The following TAS1R1 variants were observed in gnomAD, a reference collection of about 807,000 sequenced individuals.
TAS1R1 encodes taste 1 receptor member 1.
Under a neutral mutation model 45.8 loss-of-function variants are expected in TAS1R1, and 31 were observed. The ratio of observed to expected loss-of-function variants is 0.68; its 90% CI spans 0.51 to 0.91. The LOEUF is 0.91. Among genes scored for constraint, TAS1R1 ranks in the 40% least tolerant of loss-of-function variants. The probability of loss-of-function intolerance (pLI) is 0.00; values close to 1 mark genes in which losing one functional copy is unlikely to be tolerated. For missense variants in TAS1R1, 1,051 were observed against 1,063.9 expected (o/e 0.99, Z 0.17); for synonymous variants, 437 against 448.4 (o/e 0.97, Z 0.32).
At chr1:6,573,772 C>T (rs1476905273) in intron 2 of TAS1R1, among the ~76,000 whole-genome samples, 1 of 151,972 alleles carries the variant, frequency 6.6e-6, no homozygotes, top group Non-Finnish European at 1.5e-5. Flanking sequence ...ACGCCATTCT[C>T]CTGCCTCAGC....
rs1272561902 is a variant in TAS1R1 at position 6,574,827 on chromosome 1, C to A, written c.695C>A (p.Ala232Asp). 4.3e-6 allele frequency: 7 copies of A among 1,614,134 alleles called. No homozygotes were observed. The African/African-American group carries it at 8.0e-5, about 18-fold the overall frequency. Reference protein sequence around the residue: ...QLGVQALENQATGQGICIAFK... With the variant: ...QLGVQALENQDTGQGICIAFK... ...GGGGTGCAGGCACTGGAGAACCAGG[C>A]CACTGGTCAGGGGATCTGCATTGCT... is the stretch of plus-strand genomic sequence containing the variant. Residue 232 changes from alanine (A) to aspartate (D), a missense_variant, in exon 3 of 6, where the codon GCC (alanine) becomes GAC (aspartate). Ala to Asp is a moderately radical substitution (Grantham distance 126). Transcript: ENST00000333172. This position sits in a 1 kb window ranked among gnomAD's most constrained non-coding sequence, Gnocchi z 4.3.
Position 6,579,318 on chromosome 1 carries a change from GA to G in TAS1R1, c.2261del (p.Glu754GlyfsTer40). 6.2e-7 allele frequency: 1 copy of G among 1,614,210 alleles called. No homozygotes were observed. Among genetic ancestry groups the G allele is most frequent in the Non-Finnish European group, 8.5e-7 (1 of 1,180,052 alleles). ...CAGCTACCTGGGTAAGGACTTGCCA[GA>G]GAACTACAACGAGGCCAAATGTGTC... ...ACSYLGKDLP[E>X]NYNEAKCVTF... On this transcript the variant is annotated frameshift_variant, in exon 6 of 6. Transcript: ENST00000333172. LOFTEE classifies it low-confidence loss of function (END_TRUNC).
At chr1:6,571,280 C>G in intron 2 of TAS1R1, 65 bp downstream of exon 2, 1 of 1,435,942 alleles carries the variant, frequency 7.0e-7, no homozygotes, top group South Asian at 1.4e-5. Context: ...GGCATGTGGG[C>G]AAGAGCTGCT....
At chr1:6,561,366 G>A (rs745633277) in intron 1 of TAS1R1, among the ~76,000 whole-genome samples, 7 of 152,076 alleles carry the variant, frequency 4.6e-5, no homozygotes, top group East Asian at 1.9e-4. Context: ...CACCTTTTTC[G>A]GCAGTGAGGA....
Position 6,571,051 on chromosome 1 carries a change from G to A in TAS1R1, c.334G>A (p.Val112Met), listed in dbSNP as rs747038290. ...TGATGTGTGTTCTGACTCTGCCAAT[G>A]TGTATGCCACGCTGAGAGTGCTCTC... ...LYDVCSDSAN[V>M]YATLRVLSLP... Residue 112 changes from valine (V) to methionine (M), a missense_variant, in exon 2 of 6, where the codon GTG becomes ATG. By Grantham distance (21) the Val-to-Met change is conservative. Transcript: ENST00000333172. 8 of 1,614,052 alleles carry A rather than the reference G, an allele frequency of 5.0e-6. No homozygotes were observed. Among genetic ancestry groups the A allele is most frequent in the Non-Finnish European group, 6.8e-6 (8 of 1,180,040 alleles).
At chr1:6,561,268 C>T (rs1051788730) in intron 1 of TAS1R1, among the ~76,000 whole-genome samples, 2 of 152,200 alleles carry the variant, frequency 1.3e-5, no homozygotes, top group East Asian at 1.9e-4. Context: ...TTCAGAAGCC[C>T]TTTCATTTAA....
At position 6,555,377 on chromosome 1, in the gene TAS1R1, C is replaced by A; in HGVS notation, c.4C>A (p.Leu2Met). 6.3e-7 allele frequency: 1 copy of A among 1,589,600 alleles called. No individual in the cohort carries two copies. The highest frequency in any genetic ancestry group is 8.6e-7 in the Non-Finnish European group (1 of 1,167,140). The change falls in exon 1 of 6, where the codon CTG becomes ATG. Residue 2 changes from leucine (L) to methionine (M), a missense_variant. Coordinates refer to ENST00000333172, the MANE Select transcript of TAS1R1 (RefSeq NM_138697.4). M[L>M]LCTARLVGLQ... ...CAGGCGCGGGCATCTGGCCAGCATG[C>A]TGCTCTGCACGGCTCGCCTGGTCGG...
intron 5 of TAS1R1, among the ~76,000 whole-genome samples, chr1:6,577,590 C>T (rs966104927): frequency 4.1e-5 from 6 of 145,936 alleles, no homozygotes; most frequent in Admixed American, 1.4e-4. Flanking sequence ...TTTGGGAGGC[C>T]GAGGTGGGTG....
At chr1:6,555,633 C>T in intron 1 of TAS1R1, 69 bp downstream of exon 1, 2 of 1,424,834 alleles carry the variant, frequency 1.4e-6, no homozygotes, top group Non-Finnish European at 1.9e-6. Flanking sequence ...GGCTGCCATC[C>T]TCCAAACAGG....
chr1:6,564,391 G>A (rs954417724), intron 1 of TAS1R1, among the ~76,000 whole-genome samples: 5 of 152,148 alleles, frequency 3.3e-5, no homozygotes, highest in African/African-American at 9.7e-5. Context: ...TCTCCTAGCT[G>A]AGAGTTAGAA....
chr1:6,579,550 T>C lies in TAS1R1; in HGVS notation c.2492T>C (p.Ile831Thr), dbSNP rs768955926. ...AGCACAGAGCACTTCCAGGCCTCCATTCAGGACTACACGAGGCGCTGCGGC... is the reference window on the plus strand; with the variant it reads ...AGCACAGAGCACTTCCAGGCCTCCACTCAGGACTACACGAGGCGCTGCGGC... ...LNSTEHFQAS[I>T]QDYTRRCGST is the part of the protein sequence containing the mutation. Residue 831 changes from isoleucine to threonine, a missense_variant, in exon 6 of 6, where the codon ATT becomes ACT. By Grantham distance (89) the Ile-to-Thr change is moderately conservative. Coordinates refer to ENST00000333172, the MANE Select transcript of TAS1R1 (RefSeq NM_138697.4). The C allele has an allele frequency of 6.2e-7, 1 of 1,611,820 alleles. No individual in the cohort carries two copies. The highest frequency in any genetic ancestry group is 8.5e-7 in the Non-Finnish European group (1 of 1,179,824).
At position 6,555,427 on chromosome 1, in the gene TAS1R1, C is replaced by A. The variant is rs866076089; in HGVS notation, c.54C>A (p.Cys18Ter). 1 of 1,607,698 alleles carries A rather than the reference C, an allele frequency of 6.2e-7. No individual in the cohort carries two copies. The highest frequency in any genetic ancestry group is 8.5e-7 in the Non-Finnish European group (1 of 1,177,800). The change falls in exon 1 of 6, where the codon TGC becomes TGA. Residue 18 changes from cysteine (C) to a stop codon, truncating the protein, a stop_gained. Coordinates refer to ENST00000333172, the MANE Select transcript of TAS1R1 (RefSeq NM_138697.4). LOFTEE classifies it high-confidence loss of function. ...LVGLQLLISC[C>*]WAFACHSTES... ...GCCTGCAGCTTCTCATTTCCTGCTG[C>A]TGGGCCTTTGCCTGCCATAGCACGG...
At chr1:6,576,892 A>G (rs1640194443) in intron 4 of TAS1R1, 58 bp from the exon 5 acceptor site, 1 of 1,611,402 alleles carries the variant, frequency 6.2e-7, no homozygotes, top group South Asian at 1.1e-5. Context: ...TTTCTGTTCC[A>G]CATGTGAGCT....
At chr1:6,563,161 T>C (rs1399215046) in intron 1 of TAS1R1, among the ~76,000 whole-genome samples, 4 of 152,214 alleles carry the variant, frequency 2.6e-5, no homozygotes, top group Non-Finnish European at 5.9e-5. Context: ...GTGGTGACTT[T>C]TAGGGGTCCT....
intron 1 of TAS1R1, among the ~76,000 whole-genome samples, chr1:6,568,511 G>T (rs922192758): frequency 1.2e-4 from 7 of 60,084 alleles, no homozygotes; most frequent in African/African-American, 2.7e-4. Flanking sequence ...CAGTGTCGAT[G>T]CAGGTATATT....
chr1:6,577,139 C>A, intron 5 of TAS1R1, 69 bp downstream of exon 5: 1 of 1,596,168 alleles, frequency 6.3e-7, no homozygotes, highest in South Asian at 1.1e-5. Flanking sequence ...GGAGGGCCTC[C>A]CTTGGGCCCC....
Position 6,579,614 on chromosome 1 carries a change from C to T in TAS1R1, c.*30C>T, listed in dbSNP as rs1362145075. ...TGGGTCAGCAGGCACGGCTGGCAGC[C>T]TTCTCTGCCCTGAGGGTCGAAGGTC... On this transcript the variant is annotated 3_prime_UTR_variant, in exon 6 of 6. Coordinates refer to ENST00000333172, the MANE Select transcript of TAS1R1 (RefSeq NM_138697.4). The T allele has an allele frequency of 2.5e-6, 4 of 1,576,718 alleles. No individual in the cohort carries two copies. The South Asian group carries it at 3.4e-5, about 14-fold the overall frequency.
Position 6,575,117 on chromosome 1 carries a change from A to T in TAS1R1, c.985A>T (p.Arg329Trp). The stretch of plus-strand genomic sequence containing the variant: ...GGTGCTGGGCGTGGCCATCCAGAAG[A>T]GGGCTGTCCCTGGCCTGAAGGCGTT... Reference protein sequence around the residue: ...GMVLGVAIQKRAVPGLKAFEE... With the variant: ...GMVLGVAIQKWAVPGLKAFEE... Residue 329 changes from arginine to tryptophan, a missense_variant, in exon 3 of 6, where the codon AGG (arginine) becomes TGG (tryptophan). Arg to Trp is a moderately radical substitution (Grantham distance 101). Coordinates refer to ENST00000333172, the MANE Select transcript of TAS1R1 (RefSeq NM_138697.4). The T allele has an allele frequency of 6.3e-7, 1 of 1,584,398 alleles. No individual in the cohort carries two copies. Among genetic ancestry groups the T allele is most frequent in the Non-Finnish European group, 8.6e-7 (1 of 1,165,824 alleles).
chr1:6,563,768 G>A (rs1242343593), intron 1 of TAS1R1, among the ~76,000 whole-genome samples: 9 of 152,120 alleles, frequency 5.9e-5, no homozygotes, highest in Admixed American at 5.9e-4. Context: ...TAGGCAAAGA[G>A]TAAGTAGGAA....
Sources: allele counts gnomAD v4.1 joint callset (sites outside exome capture counted in the v4.1 genomes callset), GRCh38; gene constraint gnomAD v4.1.1; non-coding constraint Gnocchi (gnomAD v3.1); transcripts MANE v1.5; gene names NCBI Gene and HGNC (gene_info 2026-07-23, HGNC 2026-07-21).